SYNPR: variants seen among roughly 807,000 people sequenced by gnomAD.
The protein encoded by SYNPR is synaptoporin.
SYNPR carries 23 observed loss-of-function variants against 32.9 expected under a neutral mutation model. The observed-to-expected ratio is 0.70, with a 90% CI of 0.50 to 0.99. The LOEUF (loss-of-function observed/expected upper bound fraction) is 0.99. Ranked by LOEUF, SYNPR falls within the 50% of genes least tolerant of loss-of-function variation. The pLI is 0.00. For missense variants in SYNPR, 318 were observed against 349.3 expected (o/e 0.91, Z 0.71); for synonymous variants, 146 against 135.9 (o/e 1.07, Z -0.52).
chr3:63,306,130 G>A (rs1280711493), intron 2 of SYNPR, among the ~76,000 whole-genome samples: 2 of 151,960 alleles, frequency 1.3e-5, no homozygotes, highest in East Asian at 3.9e-4. Context: ...CATCTTATAA[G>A]AGTAACATTT....
intron 2 of SYNPR, among the ~76,000 whole-genome samples, chr3:63,335,397 T>C (rs925419030): frequency 6.6e-6 from 1 of 151,684 alleles, no homozygotes; most frequent in East Asian, 1.9e-4. Context: ...CAAGTACTTT[T>C]GGGCCAATAA....
chr3:63,541,169 C>A (rs962418413), intron 3 of SYNPR, among the ~76,000 whole-genome samples: 4 of 151,282 alleles, frequency 2.6e-5, no homozygotes, highest in African/African-American at 9.7e-5. Flanking sequence ...AAGAATAAAA[C>A]CAAGCAGAGG....
chr3:63,331,979 C>A lies in SYNPR; in HGVS notation c.84+53237C>A, dbSNP rs187744062. On this transcript the variant is annotated intron_variant, in intron 2 of 5. Coordinates refer to ENST00000478300, the MANE Select transcript of SYNPR (RefSeq NM_001130003.2). Reference sequence around the variant, plus strand: ...AAAATGATGGGATTAAAAACAGTTGCTTTATGAATCCCAAAGTTGTCTTCG... The same window carrying A: ...AAAATGATGGGATTAAAAACAGTTGATTTATGAATCCCAAAGTTGTCTTCG... 1.6e-3 allele frequency among the ~76,000 whole-genome samples: 243 copies of A among 152,232 alleles called. 1 individual carries two copies. In the Middle Eastern group the frequency reaches 0.024, roughly 15 times the overall value.
At chr3:63,480,776 A>T in intron 2 of SYNPR, 56 bp from the exon 3 acceptor site, 2 of 1,594,596 alleles carry the variant, frequency 1.3e-6, no homozygotes, top group East Asian at 2.2e-5. Context: ...GATATATCTC[A>T]TTAGAGCAAC....
intron 2 of SYNPR, among the ~76,000 whole-genome samples, chr3:63,375,705 A>T (rs1381404060): frequency 6.6e-6 from 1 of 151,806 alleles, no homozygotes; most frequent in Non-Finnish European, 1.5e-5. Flanking sequence ...TGTACCCTAG[A>T]ACTTAAAGTA....
At chr3:63,294,821 A>G (rs1369126113) in intron 2 of SYNPR, among the ~76,000 whole-genome samples, 1 of 152,208 alleles carries the variant, frequency 6.6e-6, no homozygotes, top group East Asian at 1.9e-4. Flanking sequence ...TTTACTTTAA[A>G]TAATACTCGT....
chr3:63,376,825 CTTTA>C lies in SYNPR; in HGVS notation c.84+98091_84+98094del, dbSNP rs534251719. Among the ~76,000 whole-genome samples the C allele has an allele frequency of 2.6e-5, 4 of 151,824 alleles. No homozygotes were observed. The South Asian group carries it at 6.2e-4, about 24-fold the overall frequency. ...CACTAGTTACTGTCTGATATTTTTTCTTTATTTATTTGATTATTGACTCTTTCCC... is the reference window on the plus strand; with the variant it reads ...CACTAGTTACTGTCTGATATTTTTTCTTTATTTGATTATTGACTCTTTCCC... On this transcript the variant is annotated intron_variant, in intron 2 of 5. Coordinates refer to ENST00000478300, the MANE Select transcript of SYNPR (RefSeq NM_001130003.2).
At chr3:63,325,118 G>A (rs529330863) in intron 2 of SYNPR, among the ~76,000 whole-genome samples, 1 of 151,828 alleles carries the variant, frequency 6.6e-6, no homozygotes, top group South Asian at 2.1e-4. Context: ...GTTAGAAGCT[G>A]AAAAATTCTC....
At chr3:63,408,598 C>A (rs1053626131) in intron 2 of SYNPR, among the ~76,000 whole-genome samples, 2 of 152,094 alleles carry the variant, frequency 1.3e-5, no homozygotes, top group Non-Finnish European at 2.9e-5. Flanking sequence ...GTCCTGGAGT[C>A]CAGAAGCTGG....
intron 2 of SYNPR, among the ~76,000 whole-genome samples, chr3:63,310,747 T>A (rs534520263): frequency 6.6e-6 from 1 of 152,132 alleles, no homozygotes; most frequent in African/African-American, 2.4e-5. Context: ...GAGACCTGGA[T>A]ATGAATTCCA....
intron 2 of SYNPR, among the ~76,000 whole-genome samples, chr3:63,464,724 C>T (rs61085984): frequency 0.026 from 3,917 of 152,256 alleles, 170 homozygotes; most frequent in African/African-American, 0.09. Flanking sequence ...TTCTCCAGCT[C>T]ATGCAAATCA....
chr3:63,352,271 G>C (rs907429106), intron 2 of SYNPR, among the ~76,000 whole-genome samples: 2 of 152,100 alleles, frequency 1.3e-5, no homozygotes, highest in African/African-American at 4.8e-5. Context: ...TTTAATGTGG[G>C]AAGGATTCTT....
intron 2 of SYNPR, among the ~76,000 whole-genome samples, chr3:63,371,996 A>G (rs188136616): frequency 6.6e-6 from 1 of 150,986 alleles, no homozygotes; most frequent in Admixed American, 6.6e-5. Flanking sequence ...CTCAATCCCC[A>G]CTCTTCACCA....
intron 2 of SYNPR, among the ~76,000 whole-genome samples, chr3:63,457,522 T>C (rs1379672198): frequency 2.0e-5 from 3 of 152,132 alleles, no homozygotes; most frequent in Non-Finnish European, 4.4e-5. Flanking sequence ...TGAAATAAAT[T>C]AGATCAAAAT....
At chr3:63,333,582 T>C (rs1447610547) in intron 2 of SYNPR, among the ~76,000 whole-genome samples, 1 of 152,038 alleles carries the variant, frequency 6.6e-6, no homozygotes, top group Non-Finnish European at 1.5e-5. Flanking sequence ...ACGCTCAGCT[T>C]ATTTTTTATT....
chr3:63,304,725 G>T (rs1346642063), intron 2 of SYNPR, among the ~76,000 whole-genome samples: 1 of 151,720 alleles, frequency 6.6e-6, no homozygotes, highest in Non-Finnish European at 1.5e-5. Flanking sequence ...GAAAAGTAAA[G>T]AATTTGTCAT....
At chr3:63,531,480 G>GTCT (rs911773663) in intron 3 of SYNPR, among the ~76,000 whole-genome samples, 5 of 152,096 alleles carry the variant, frequency 3.3e-5, no homozygotes, top group African/African-American at 9.7e-5. Context: ...TTACATAACT[G>GTCT]TCTTCTTACA....
chr3:63,376,329 G>A (rs1901301), intron 2 of SYNPR, among the ~76,000 whole-genome samples: 102,220 of 152,060 alleles, frequency 0.67, 35,429 homozygotes, highest in East Asian at 0.93. Flanking sequence ...ATTAGTTAAC[G>A]TAAGTTATAA....
intron 2 of SYNPR, among the ~76,000 whole-genome samples, chr3:63,423,132 A>C (rs1035933591): frequency 6.6e-6 from 1 of 152,212 alleles, no homozygotes; most frequent in Non-Finnish European, 1.5e-5. Context: ...ACATAACAAC[A>C]TGGATGAGAA....
Sources: allele counts gnomAD v4.1 joint callset (sites outside exome capture counted in the v4.1 genomes callset), GRCh38; gene constraint gnomAD v4.1.1; transcripts MANE v1.5; gene names NCBI Gene and HGNC (gene_info 2026-07-23, HGNC 2026-07-21).